The following ARL15 variants were observed in gnomAD, a reference collection of about 807,000 sequenced individuals.
ARL15 encodes ADP-ribosylation factor-like protein 15.
ARL15 carries 19 observed loss-of-function variants against 25.2 expected under a neutral mutation model. The observed-to-expected ratio is 0.75, with a 90% CI of 0.53 to 1.10. The LOEUF is 1.10. ARL15 is among the 50% of genes least tolerant of loss of function. ARL15 has a pLI of 0.00. For missense variants in ARL15, 220 were observed against 246.0 expected, an observed-to-expected ratio of 0.89 and a Z score of 0.71; for synonymous variants, 94 against 86.8, an observed-to-expected ratio of 1.08 and a Z score of -0.46.
chr5:54,136,437 C>A (rs1048592038), intron 3 of ARL15, among the ~76,000 whole-genome samples: 1 of 152,170 alleles, frequency 6.6e-6, no homozygotes, highest in Non-Finnish European at 1.5e-5. Flanking sequence ...AAAATATCAT[C>A]TGTTTTTGTG....
chr5:54,137,065 T>A (rs750810567), intron 3 of ARL15, among the ~76,000 whole-genome samples: 3 of 151,688 alleles, frequency 2.0e-5, no homozygotes, highest in Non-Finnish European at 2.9e-5. Context: ...TTTTTTTTGC[T>A]TCAGGCTCCC....
chr5:54,292,095 C>T (rs550605227), intron 1 of ARL15, among the ~76,000 whole-genome samples: 2 of 152,248 alleles, frequency 1.3e-5, no homozygotes, highest in South Asian at 4.1e-4. Flanking sequence ...TAGTATCTAC[C>T]TACTTTTGTC....
At chr5:54,307,517 T>C (rs1259178178) in intron 1 of ARL15, among the ~76,000 whole-genome samples, 6 of 152,174 alleles carry the variant, frequency 3.9e-5, no homozygotes, top group Non-Finnish European at 8.8e-5. Flanking sequence ...CTGTCTTAAA[T>C]ATTAAAGTAC....
intron 1 of ARL15, among the ~76,000 whole-genome samples, chr5:54,233,410 C>T (rs935220263): frequency 2.6e-5 from 4 of 152,138 alleles, no homozygotes; most frequent in African/African-American, 9.7e-5. Context: ...TATTTGTTGC[C>T]AGTGATAAAA....
At chr5:54,077,524 A>G (rs1751649723) in intron 4 of ARL15, among the ~76,000 whole-genome samples, 1 of 152,196 alleles carries the variant, frequency 6.6e-6, no homozygotes, top group African/African-American at 2.4e-5. Flanking sequence ...AAAGGTCTGA[A>G]GGAATTTGGT....
At position 53,987,206 on chromosome 5, in the gene ARL15, C is replaced by T. The variant is rs115848264; in HGVS notation, c.463-100493G>A. On this transcript the variant is annotated intron_variant, in intron 4 of 4. Coordinates refer to ENST00000504924, the MANE Select transcript of ARL15 (RefSeq NM_019087.3). ...AAGGTCATCTTTTTCCTAGAAGGTA[C>T]ATTAACAATGAAGTATACTAGAGAT... Among the ~76,000 whole-genome samples, 563 of 151,680 alleles carry T rather than the reference C, an allele frequency of 3.7e-3. 3 individuals carry two copies. The highest frequency in any genetic ancestry group is 0.013 in the African/African-American group (543 of 41,366).
intron 4 of ARL15, among the ~76,000 whole-genome samples, chr5:53,893,296 C>CT (rs928894548): frequency 2.0e-5 from 3 of 150,864 alleles, no homozygotes; most frequent in Non-Finnish European, 4.4e-5. Flanking sequence ...CAAATCAGGA[C>CT]TTTTTTTCTT....
chr5:54,129,114 A>AAT (rs1753356301), intron 3 of ARL15, among the ~76,000 whole-genome samples: 2 of 152,208 alleles, frequency 1.3e-5, no homozygotes, highest in African/African-American at 4.8e-5. Context: ...CAAAAAAACC[A>AAT]ATCCCTTCCT....
intron 4 of ARL15, among the ~76,000 whole-genome samples, chr5:53,926,363 T>A (rs550110724): frequency 4.6e-5 from 7 of 152,032 alleles, no homozygotes; most frequent in African/African-American, 1.4e-4. Flanking sequence ...AAGAAAGGGC[T>A]GTCTAGTGGG....
chr5:54,295,955 C>G (rs35953), intron 1 of ARL15, among the ~76,000 whole-genome samples: 8,281 of 152,296 alleles, frequency 0.054, 307 homozygotes, highest in African/African-American at 0.1. Context: ...AGGCTCCAAA[C>G]AATCACAGAA....
chr5:53,953,623 G>C (rs1156505462), intron 4 of ARL15, among the ~76,000 whole-genome samples: 3 of 152,174 alleles, frequency 2.0e-5, no homozygotes, highest in Non-Finnish European at 4.4e-5. Context: ...GAAGAGGGTG[G>C]AGGGCAAAGG....
At chr5:54,133,633 A>G (rs1018029684) in intron 3 of ARL15, among the ~76,000 whole-genome samples, 1 of 152,222 alleles carries the variant, frequency 6.6e-6, no homozygotes, top group African/African-American at 2.4e-5. Flanking sequence ...GGATAAGAAA[A>G]CAATGACAAA....
At chr5:53,903,441 G>T (rs1745134240) in intron 4 of ARL15, among the ~76,000 whole-genome samples, 1 of 152,146 alleles carries the variant, frequency 6.6e-6, no homozygotes, top group Non-Finnish European at 1.5e-5. Context: ...GTGGGTAGAG[G>T]CCAGGGAGAT....
At chr5:54,291,411 T>G (rs1758316342) in intron 1 of ARL15, among the ~76,000 whole-genome samples, 1 of 152,252 alleles carries the variant, frequency 6.6e-6, no homozygotes, top group Non-Finnish European at 1.5e-5. Context: ...TCTAGATTAC[T>G]TATACCTAAT....
intron 4 of ARL15, among the ~76,000 whole-genome samples, chr5:54,098,680 T>C (rs1752355178): frequency 6.6e-6 from 1 of 152,218 alleles, no homozygotes; most frequent in Non-Finnish European, 1.5e-5. Context: ...AATACAGAGA[T>C]ACGATGGGGT....
chr5:53,979,775 T>C lies in ARL15; in HGVS notation c.463-93062A>G, dbSNP rs533450925. 1.4e-4 allele frequency among the ~76,000 whole-genome samples: 21 copies of C among 152,188 alleles called. No individual in the cohort carries two copies. The South Asian group carries it at 4.1e-3, about 30-fold the overall frequency. ...GCAAGAGATGCCAAAATAATTTGTT[T>C]AGCATCTGCTTGGCAACTCTGCCTC... is the stretch of plus-strand genomic sequence containing the variant. On this transcript the variant is annotated intron_variant, in intron 4 of 4. Transcript: ENST00000504924.
At chr5:54,062,440 G>A (rs1751097325) in intron 4 of ARL15, among the ~76,000 whole-genome samples, 1 of 150,628 alleles carries the variant, frequency 6.6e-6, no homozygotes, top group Admixed American at 6.6e-5. Context: ...GGTGGGAGGC[G>A]ATTGAATTAT....
intron 1 of ARL15, among the ~76,000 whole-genome samples, chr5:54,235,558 C>G (rs958159128): frequency 2.0e-5 from 3 of 150,714 alleles, no homozygotes; most frequent in African/African-American, 7.3e-5. Context: ...GTGGCTCGCT[C>G]ATGCCTCACT....
intron 4 of ARL15, among the ~76,000 whole-genome samples, chr5:53,978,270 T>C (rs1748007414): frequency 6.6e-6 from 1 of 152,158 alleles, no homozygotes; most frequent in Admixed American, 6.5e-5. Context: ...TTCACATATA[T>C]TTTCATCTAT....
Sources: gnomAD v4.1 joint callset for allele counts (sites outside exome capture counted in the v4.1 genomes callset) on GRCh38, gnomAD v4.1.1 for gene constraint, MANE v1.5 for transcripts, NCBI Gene and HGNC (gene_info 2026-07-23, HGNC 2026-07-21) for gene names.